TEC: variants seen among roughly 807,000 people sequenced by gnomAD.
TEC encodes tyrosine-protein kinase Tec.
TEC carries 72 observed loss-of-function variants against 93.0 expected under a neutral mutation model. The observed-to-expected ratio is 0.77, with a 90% CI of 0.64 to 0.94. The LOEUF is 0.94. Ranked by LOEUF, TEC falls within the 40% of genes least tolerant of loss-of-function variation. TEC has a pLI of 0.00. For missense variants in TEC, 630 were observed against 757.9 expected, an observed-to-expected ratio of 0.83 and a Z score of 1.98; for synonymous variants, 249 against 247.7, an observed-to-expected ratio of 1.01 and a Z score of -0.05.
chr4:48,145,178 T>C lies in TEC; in HGVS notation c.1371A>G (p.Arg457=), dbSNP rs367682926. Residue 457 remains arginine (R), a synonymous_variant, in exon 14 of 18, where the codon AGA becomes AGG. Transcript: ENST00000381501. Reference sequence around the variant, plus strand: ...GTACGTCTCTACTGAAATGACCTTGTCTCTGTCGGAGGAAATTCAGAAGGC... The same window carrying C: ...GTACGTCTCTACTGAAATGACCTTGCCTCTGTCGGAGGAAATTCAGAAGGC... ...RGCLLNFLRQ[R]QGHFSRDVLL... is the part of the protein sequence containing the mutation. 73 of 1,614,048 alleles carry C rather than the reference T, an allele frequency of 4.5e-5. 1 individual carries two copies. Among genetic ancestry groups the C allele is most frequent in the Middle Eastern group, 1.6e-4 (1 of 6,082 alleles).
intron 2 of TEC, among the ~76,000 whole-genome samples, chr4:48,223,164 A>G (rs769608550): frequency 6.6e-6 from 1 of 152,232 alleles, no homozygotes; most frequent in Admixed American, 6.5e-5. Context: ...TGTTTAAACT[A>G]TAGATTGGAG....
intron 2 of TEC, among the ~76,000 whole-genome samples, chr4:48,187,983 C>A (rs1158780566): frequency 6.6e-6 from 1 of 152,304 alleles, no homozygotes; most frequent in Admixed American, 6.5e-5. Flanking sequence ...CTAGATTGCA[C>A]TTCCTTATCT....
intron 17 of TEC, 84 bp from the exon 18 acceptor site, chr4:48,137,583 A>AT: frequency 8.9e-7 from 1 of 1,123,140 alleles, no homozygotes; most frequent in Admixed American, 1.8e-5. Flanking sequence ...TAAACACAGC[A>AT]TATTACAGAG....
intron 1 of TEC, among the ~76,000 whole-genome samples, chr4:48,265,227 CAA>C (rs1205177429): frequency 5.3e-5 from 8 of 150,870 alleles, no homozygotes; most frequent in Non-Finnish European, 8.9e-5. Flanking sequence ...TTCAGGCAAC[CAA>C]AAAAATAGAG....
At chr4:48,159,406 T>C (rs931473627) in intron 8 of TEC, among the ~76,000 whole-genome samples, 6 of 152,168 alleles carry the variant, frequency 3.9e-5, no homozygotes, top group Non-Finnish European at 2.9e-5. Context: ...CTTTTTTATT[T>C]TTTTGGGACA....
intron 2 of TEC, among the ~76,000 whole-genome samples, chr4:48,209,767 G>A (rs917346377): frequency 5.3e-5 from 8 of 152,184 alleles, no homozygotes; most frequent in Admixed American, 4.6e-4. Flanking sequence ...AACAACAACT[G>A]TTTAACTCTA....
intron 2 of TEC, among the ~76,000 whole-genome samples, chr4:48,181,373 C>T (rs761223014): frequency 9.2e-5 from 14 of 151,616 alleles, no homozygotes; most frequent in African/African-American, 1.9e-4. Flanking sequence ...GGCAGGGCTG[C>T]GGAAAAAAAG....
intron 1 of TEC, among the ~76,000 whole-genome samples, chr4:48,260,651 G>A (rs1724477906): frequency 1.3e-5 from 2 of 152,068 alleles, no homozygotes; most frequent in South Asian, 4.2e-4. Context: ...AACAACTGGG[G>A]AGTGGCTCAA....
At chr4:48,154,770 A>C (rs1338970295) in intron 9 of TEC, among the ~76,000 whole-genome samples, 1 of 152,130 alleles carries the variant, frequency 6.6e-6, no homozygotes, top group Admixed American at 6.5e-5. Context: ...CAAATGAATA[A>C]AATGGAAATT....
chr4:48,210,503 G>GGAC (rs1722866523), intron 2 of TEC, among the ~76,000 whole-genome samples: 1 of 150,462 alleles, frequency 6.6e-6, no homozygotes, highest in Non-Finnish European at 1.5e-5. Flanking sequence ...AAATGGAGGA[G>GGAC]GAGGAGGAGG....
chr4:48,266,768 G>T (rs1447269279), intron 1 of TEC, among the ~76,000 whole-genome samples: 1 of 151,842 alleles, frequency 6.6e-6, no homozygotes, highest in East Asian at 1.9e-4. Flanking sequence ...AACCCGGGAG[G>T]CAGAGGTTGT....
chr4:48,159,519 A>G (rs999653373), intron 8 of TEC, among the ~76,000 whole-genome samples: 2 of 151,012 alleles, frequency 1.3e-5, no homozygotes, highest in Admixed American at 6.6e-5. Context: ...CAGCCTCCCA[A>G]GTAGCTGGGA....
chr4:48,141,431 C>T lies in TEC; in HGVS notation c.1471-12G>A, dbSNP rs756589505. ...CAATTTCTGGCAGCCTGGAAAACAA[C>T]ATTATGATGGTATATTAGTTTAAAA... On this transcript the variant is annotated splice_polypyrimidine_tract_variant and intron_variant, in intron 14 of 17. Transcript: ENST00000381501. 1.2e-6 allele frequency: 2 copies of T among 1,612,488 alleles called. No individual in the cohort carries two copies. Among genetic ancestry groups the T allele is most frequent in the Non-Finnish European group, 8.5e-7 (1 of 1,178,932 alleles).
intron 2 of TEC, among the ~76,000 whole-genome samples, chr4:48,204,581 G>T (rs73138448): frequency 0.014 from 2,058 of 152,266 alleles, 54 homozygotes; most frequent in African/African-American, 0.048. Flanking sequence ...AATCTGCAAC[G>T]CTTTTTGGCA....
chr4:48,149,793 C>T lies in TEC; in HGVS notation c.873-103G>A. On this transcript the variant is annotated intron_variant, in intron 10 of 17. Transcript: ENST00000381501. ...AACCACAGTGTCTCTCCATATGATC[C>T]CATCTATTCCTGGCACAAATTTTAC... 3.6e-6 allele frequency: 4 copies of T among 1,124,978 alleles called. No homozygotes were observed. In the South Asian group the frequency reaches 6.8e-5, roughly 19 times the overall value. The allele number at this position is 1,124,978 out of a possible 1,614,324, so 69.7% of individuals were successfully genotyped here.
intron 2 of TEC, 122 bp downstream of exon 2, chr4:48,228,355 A>G: frequency 9.1e-7 from 1 of 1,102,948 alleles, no homozygotes; most frequent in South Asian, 2.1e-5. Context: ...TTCAAGTCCA[A>G]ATGATAATAA....
At chr4:48,222,356 T>C (rs1723295070) in intron 2 of TEC, among the ~76,000 whole-genome samples, 1 of 152,204 alleles carries the variant, frequency 6.6e-6, no homozygotes, top group African/African-American at 2.4e-5. Context: ...AAGCTATGCA[T>C]TTTGCAGATG....
chr4:48,137,460 T>G lies in TEC; in HGVS notation c.1852A>C (p.Thr618Pro). Residue 618 changes from threonine (T) to proline (P), a missense_variant, in exon 18 of 18, where the codon ACA becomes CCA. Physicochemically the swap from Thr to Pro is conservative, Grantham distance 38. This residue lies in a region of TEC where 289 missense variants were observed against 390.0 expected (regional missense o/e 0.74). Coordinates refer to ENST00000381501, the MANE Select transcript of TEC (RefSeq NM_003215.3). ...GRPSFEDLLR[T>P]IDELVECEET... Reference sequence around the variant, plus strand: ...TCACATTCAACTAGTTCATCTATTGTGCGCAGCAGATCTTCGAAAGAAGGC... The same window carrying G: ...TCACATTCAACTAGTTCATCTATTGGGCGCAGCAGATCTTCGAAAGAAGGC... 6.2e-7 allele frequency: 1 copy of G among 1,614,204 alleles called. No homozygotes were observed. Among genetic ancestry groups the G allele is most frequent in the Non-Finnish European group, 8.5e-7 (1 of 1,180,030 alleles).
intron 2 of TEC, among the ~76,000 whole-genome samples, chr4:48,191,391 AT>A (rs1467882101): frequency 6.6e-6 from 1 of 152,204 alleles, no homozygotes; most frequent in Non-Finnish European, 1.5e-5. Context: ...ATAAAAAAAT[AT>A]TTAATACAGA....
Sources: gnomAD v4.1 joint callset for allele counts (sites outside exome capture counted in the v4.1 genomes callset) on GRCh38, gnomAD v4.1.1 for gene constraint, gnomAD v4.1.1 regional missense constraint, MANE v1.5 for transcripts, NCBI Gene and HGNC (gene_info 2026-07-23, HGNC 2026-07-21) for gene names.